Variants in SORL1 observed in about 807,000 individuals in gnomAD.
SORL1 encodes sortilin related receptor 1.
In SORL1, 127 loss-of-function variants were observed where a neutral mutation model predicts 273.7. The ratio of observed to expected loss-of-function variants is 0.46; its 90% CI spans 0.40 to 0.54. The LOEUF is 0.54. Among genes scored for constraint, SORL1 ranks in the 20% least tolerant of loss-of-function variants. The pLI is 0.00. For missense variants in SORL1, 2,494 were observed against 2,846.1 expected (o/e 0.88, Z 2.81); for synonymous variants, 1,031 against 1,067.4 (o/e 0.97, Z 0.66).
chr11:121,567,552 G>A (rs1021222075), intron 22 of SORL1, among the ~76,000 whole-genome samples: 4 of 152,128 alleles, frequency 2.6e-5, no homozygotes, highest in Admixed American at 1.3e-4. Context: ...TCACCTAACG[G>A]TTGTCCATCC....
intron 12 of SORL1, among the ~76,000 whole-genome samples, chr11:121,536,047 G>A (rs149313167): frequency 3.7e-4 from 57 of 152,324 alleles, no homozygotes; most frequent in African/African-American, 1.3e-3. Flanking sequence ...GCTTGATCAC[G>A]GAAGAGAAGA....
chr11:121,515,690 C>T (rs367742663), intron 8 of SORL1, among the ~76,000 whole-genome samples: 3 of 152,096 alleles, frequency 2.0e-5, no homozygotes, highest in South Asian at 2.1e-4. Context: ...CTCGCTCTGT[C>T]GCCCAGGCTG....
At chr11:121,572,180 G>T (rs984164214) in intron 23 of SORL1, among the ~76,000 whole-genome samples, 2 of 152,314 alleles carry the variant, frequency 1.3e-5, no homozygotes, top group African/African-American at 4.8e-5. Context: ...GTGCCCTTGG[G>T]CTTGGTTTCT....
intron 2 of SORL1, among the ~76,000 whole-genome samples, chr11:121,475,900 T>G (rs1861260336): frequency 6.6e-6 from 1 of 152,230 alleles, no homozygotes; most frequent in African/African-American, 2.4e-5. Context: ...TATTTGCTCT[T>G]TGGTTTATAA....
At chr11:121,591,703 C>T (rs773170263) in intron 31 of SORL1, among the ~76,000 whole-genome samples, 7 of 152,254 alleles carry the variant, frequency 4.6e-5, no homozygotes, top group Non-Finnish European at 8.8e-5. Flanking sequence ...TAACAGCAGG[C>T]GGAACAGAGG....
At chr11:121,509,322 A>G (rs1307208254) in intron 6 of SORL1, among the ~76,000 whole-genome samples, 2 of 152,122 alleles carry the variant, frequency 1.3e-5, no homozygotes, top group Admixed American at 1.3e-4. Flanking sequence ...AGCTCATTGC[A>G]GTATCCTTTG....
chr11:121,593,907 T>C (rs1467849625), intron 31 of SORL1, among the ~76,000 whole-genome samples: 1 of 152,210 alleles, frequency 6.6e-6, no homozygotes, highest in Non-Finnish European at 1.5e-5. Context: ...GAGCACGTTT[T>C]CTGGAAAATG....
intron 8 of SORL1, among the ~76,000 whole-genome samples, chr11:121,514,574 A>G (rs144295614): frequency 6.6e-6 from 1 of 152,236 alleles, no homozygotes; most frequent in Non-Finnish European, 1.5e-5. Flanking sequence ...AGCTCTAGGT[A>G]ACATTTAGGG....
intron 20 of SORL1, among the ~76,000 whole-genome samples, chr11:121,559,194 A>G (rs1862636727): frequency 6.6e-6 from 1 of 152,152 alleles, no homozygotes. Flanking sequence ...CACCACCTAT[A>G]GTGCCTTGCA....
intron 27 of SORL1, among the ~76,000 whole-genome samples, chr11:121,587,642 C>T (rs1863136563): frequency 6.6e-6 from 1 of 152,158 alleles, no homozygotes. Context: ...AATTTGCCTA[C>T]CCCCGTATTA....
At chr11:121,476,762 T>TCCTC (rs1266883729) in intron 2 of SORL1, among the ~76,000 whole-genome samples, 254 of 80,186 alleles carry the variant, frequency 3.2e-3, no homozygotes, top group Middle Eastern at 6.8e-3. Flanking sequence ...CTCCCACGCT[T>TCCTC]CCTCCCTCCC....
intron 28 of SORL1, 77 bp from the exon 29 acceptor site, chr11:121,589,182 G>C (rs1013234033): frequency 5.2e-6 from 8 of 1,545,284 alleles, no homozygotes; most frequent in Non-Finnish European, 7.1e-6. Context: ...GTTCCCCCTT[G>C]CTTCTGGGCA....
At chr11:121,537,646 T>C (rs1187027224) in intron 12 of SORL1, among the ~76,000 whole-genome samples, 1 of 152,232 alleles carries the variant, frequency 6.6e-6, no homozygotes, top group East Asian at 1.9e-4. Context: ...GTGCCATCTG[T>C]GATAGACAAT....
chr11:121,612,662 T>G, intron 39 of SORL1, 74 bp from the exon 40 acceptor site: 1 of 1,115,984 alleles, frequency 9.0e-7, no homozygotes, highest in Non-Finnish European at 1.4e-6. Context: ...GAGGTGTATT[T>G]TTAATCCTGC....
At chr11:121,481,488 C>T (rs960978020) in intron 3 of SORL1, among the ~76,000 whole-genome samples, 5 of 107,020 alleles carry the variant, frequency 4.7e-5, no homozygotes, top group Non-Finnish European at 9.6e-5. Flanking sequence ...TCCCCTAGTG[C>T]ACAGATACCT....
At position 121,550,236 on chromosome 11, in the gene SORL1, T is replaced by C. The variant is rs1484804564; in HGVS notation, c.2180+148T>C. The C allele has an allele frequency of 2.5e-6, 2 of 814,652 alleles. No homozygotes were observed. The highest frequency in any genetic ancestry group is 3.7e-6 in the Non-Finnish European group (2 of 536,444). The allele number at this position is 814,652 out of a possible 1,614,324, so 50.5% of individuals were successfully genotyped here. ...AAGTAGTTTGGGCAACATTATAAAT[T>C]ATGGTATTTGTAAACTCTCCTACCT... On this transcript the variant is annotated intron_variant, in intron 15 of 47. Coordinates refer to ENST00000260197, the MANE Select transcript of SORL1 (RefSeq NM_003105.6). This position sits in a 1 kb window ranked among gnomAD's most constrained non-coding sequence, Gnocchi z 5.3.
rs576696834 is a variant in SORL1 at position 121,624,970 on chromosome 11, G to A, written c.6172-115G>A. 248 of 681,198 alleles carry A rather than the reference G, an allele frequency of 3.6e-4. 1 individual carries two copies. The highest frequency in any genetic ancestry group is 3.0e-3 in the African/African-American group (164 of 54,864). The allele number at this position is 681,198 out of a possible 1,614,324, so 42.2% of individuals were successfully genotyped here. On this transcript the variant is annotated intron_variant, in intron 45 of 47. Coordinates refer to ENST00000260197, the MANE Select transcript of SORL1 (RefSeq NM_003105.6). The stretch of plus-strand genomic sequence containing the variant: ...AAAAGAACAAGGAGAAACCCAGGGC[G>A]CTTTCGCGTCTGTAGCAGCCCACAG...
In SORL1 at chr11:121,497,026, T is replaced by C. The variant is rs779281101; in HGVS notation, c.916T>C (p.Tyr306His). ...GAGAGATTTTCAGCTTCGGGACAAG[T>C]ACATGTTTGCTACAAAGGTGGTGGT... ...EVRDFQLRDK[Y>H]MFATKVVHLL... Residue 306 changes from tyrosine to histidine, a missense_variant, in exon 6 of 48, where the codon TAC becomes CAC. Tyr to His is a moderately conservative substitution (Grantham distance 83, BLOSUM62 2). Coordinates refer to ENST00000260197, the MANE Select transcript of SORL1 (RefSeq NM_003105.6). 2 of 1,613,892 alleles carry C rather than the reference T, an allele frequency of 1.2e-6. No homozygotes were observed. The highest frequency in any genetic ancestry group is 1.7e-5 in the Admixed American group (1 of 60,004).
At chr11:121,543,844 G>A (rs2134887100) in intron 13 of SORL1, 118 bp downstream of exon 13, 2 of 888,150 alleles carry the variant, frequency 2.3e-6, no homozygotes, top group East Asian at 2.6e-5. Context: ...TGGGGGAGAT[G>A]GGCCCATAAG....
Sources: allele counts gnomAD v4.1 joint callset (sites outside exome capture counted in the v4.1 genomes callset), GRCh38; gene constraint gnomAD v4.1.1; non-coding constraint Gnocchi (gnomAD v3.1); transcripts MANE v1.5; gene names NCBI Gene and HGNC (gene_info 2026-07-23, HGNC 2026-07-21).